The following ENOSF1 variants were observed in gnomAD, a reference collection of about 807,000 sequenced individuals.
ENOSF1 encodes mitochondrial enolase superfamily member 1.
In ENOSF1, 73 loss-of-function variants were observed where a neutral mutation model predicts 68.2. That is an observed-to-expected ratio of 1.07 (90% CI 0.89 to 1.30). The LOEUF is 1.30. Ranked by LOEUF, ENOSF1 falls within the 50% of genes most tolerant of loss-of-function variation. The pLI, the probability that ENOSF1 is intolerant of heterozygous loss-of-function variation, is 0.00. For missense variants in ENOSF1, 589 were observed against 554.5 expected, an observed-to-expected ratio of 1.06 and a Z score of -0.62; for synonymous variants, 223 against 210.4, an observed-to-expected ratio of 1.06 and a Z score of -0.52.
chr18:701,742 G>T (rs2078366012), intron 2 of ENOSF1, among the ~76,000 whole-genome samples: 1 of 138,844 alleles, frequency 7.2e-6, no homozygotes, highest in Admixed American at 7.4e-5. Context: ...GGGTGACAGA[G>T]CGAGACTCCA....
At chr18:683,026 T>C in intron 11 of ENOSF1, 1 of 516,968 alleles carries the variant, frequency 1.9e-6, no homozygotes, top group Admixed American at 3.6e-5. Flanking sequence ...CAGCTTACTT[T>C]ATCTAAAACA....
chr18:710,231 C>A (rs2079362070), intron 1 of ENOSF1, among the ~76,000 whole-genome samples: 1 of 152,210 alleles, frequency 6.6e-6, no homozygotes, highest in Admixed American at 6.5e-5. Flanking sequence ...ACCTCAGCCT[C>A]CTGAGTGGCT....
chr18:688,679 TG>T (rs1386625030), intron 8 of ENOSF1, 71 bp from the exon 9 acceptor site: 1 of 1,374,730 alleles, frequency 7.3e-7, no homozygotes, highest in Non-Finnish European at 1.0e-6. Context: ...CAGTCATTGC[TG>T]ATCTGTTTCA....
At chr18:666,417 T>A (rs976452715), downstream of ENOSF1, among the ~76,000 whole-genome samples, 6 of 152,144 alleles carry the variant, frequency 3.9e-5, no homozygotes, top group African/African-American at 1.2e-4. Flanking sequence ...GGAGAAAGAA[T>A]GAAACATCTC....
chr18:691,241 C>G lies in ENOSF1; in HGVS notation c.459G>C (p.Arg153Ser), dbSNP rs753249529. The G allele has an allele frequency of 1.5e-5, 24 of 1,614,050 alleles. No homozygotes were observed. Among genetic ancestry groups the G allele is most frequent in the Non-Finnish European group, 1.9e-5 (22 of 1,180,026 alleles). The change falls in exon 6 of 16, where the codon AGG (arginine) becomes AGC (serine). Residue 153 changes from arginine to serine, a missense_variant. Arg to Ser is a moderately radical substitution (Grantham distance 110). Coordinates refer to ENST00000647584, the MANE Select transcript of ENOSF1 (RefSeq NM_017512.7). The part of the protein sequence containing the change: ...PRMLVSCIDF[R>S]YITDVLTEED... Reference sequence around the variant, plus strand: ...CCTCAGTCAGGACATCAGTGATGTACCTGAAATCTATGCAGGATACCAGCA... The same window carrying G: ...CCTCAGTCAGGACATCAGTGATGTAGCTGAAATCTATGCAGGATACCAGCA...
Position 688,602 on chromosome 18 carries a change from C to A in ENOSF1, c.625G>T (p.Ala209Ser). Residue 209 changes from alanine to serine, a missense_variant, in exon 9 of 16, where the codon GCC (alanine) becomes TCC (serine). Transcript: ENST00000647584. ...YSDDTLKQLC[A>S]QALKDGWTRF... ...GTCCAGCCATCCTTCAGCGCCTGGG[C>A]ACAGAGCTGTGGGAAAGGAGCACAG... 1 of 1,614,038 alleles carries A rather than the reference C, an allele frequency of 6.2e-7. No individual in the cohort carries two copies. The highest frequency in any genetic ancestry group is 8.5e-7 in the Non-Finnish European group (1 of 1,179,990).
intron 2 of ENOSF1, among the ~76,000 whole-genome samples, chr18:698,721 A>G (rs1390301284): frequency 6.6e-6 from 1 of 152,084 alleles, no homozygotes; most frequent in Non-Finnish European, 1.5e-5. Context: ...CCTGGGCTCA[A>G]GTGATCCTTC....
At chr18:669,396 A>AG (rs2074938209), downstream of ENOSF1, 2 of 404,498 alleles carry the variant, frequency 4.9e-6, no homozygotes, top group African/African-American at 5.1e-5. Context: ...TTTTTGAGAC[A>AG]GAGTTTTGCT....
intron 10 of ENOSF1, among the ~76,000 whole-genome samples, chr18:684,050 G>A (rs1426822355): frequency 3.3e-5 from 5 of 151,442 alleles, no homozygotes; most frequent in African/African-American, 1.2e-4. Context: ...CTGGAGTGCA[G>A]TGGCGCTATC....
At chr18:706,863 G>A (rs1259843071) in intron 1 of ENOSF1, 1 of 147,204 alleles carries the variant, frequency 6.8e-6, no homozygotes, top group East Asian at 2.0e-4. Context: ...CTGTCACCTA[G>A]GCAGGAGTGC....
intron 1 of ENOSF1, chr18:712,209 A>G: frequency 6.9e-7 from 1 of 1,440,074 alleles, no homozygotes; most frequent in Non-Finnish European, 9.4e-7. Context: ...GGATACTTAT[A>G]CAATTGCTCC....
Position 674,350 on chromosome 18 carries a change from T to C in ENOSF1, c.1287A>G (p.Pro429=). The change falls in exon 16 of 16, where the codon CCA becomes CCG. Residue 429 remains proline (P), a synonymous_variant. Coordinates refer to ENST00000647584, the MANE Select transcript of ENOSF1 (RefSeq NM_017512.7). The part of the protein sequence containing the change: ...KEESVKKHQY[P]DGEVWKKLLP... ...GGAGTTTCTTCCAAACTTCACCATC[T>C]GGATACTGGTGTTTCTTTACAGATT... is the stretch of plus-strand genomic sequence containing the variant. The C allele has an allele frequency of 6.2e-7, 1 of 1,612,846 alleles. No individual in the cohort carries two copies. Among genetic ancestry groups the C allele is most frequent in the Non-Finnish European group, 8.5e-7 (1 of 1,179,516 alleles).
At chr18:666,695 T>G (rs1270446523), downstream of ENOSF1, among the ~76,000 whole-genome samples, 1 of 152,206 alleles carries the variant, frequency 6.6e-6, no homozygotes, top group Non-Finnish European at 1.5e-5. Context: ...AAATCTATAT[T>G]TTATGTGCGG....
intron 13 of ENOSF1, 142 bp downstream of exon 13, chr18:677,601 G>A (rs776883069): frequency 8.3e-5 from 109 of 1,311,054 alleles, no homozygotes; most frequent in Middle Eastern, 2.7e-4. Context: ...AAAAATTCCC[G>A]GATTAAAGCT....
At chr18:678,571 A>T in intron 12 of ENOSF1, 125 bp downstream of exon 12, 1 of 930,124 alleles carries the variant, frequency 1.1e-6, no homozygotes, top group Non-Finnish European at 1.7e-6. Context: ...TTCTAAGATG[A>T]TGAAAATTTC....
chr18:688,640 G>C (rs767650693), intron 8 of ENOSF1, 32 bp from the exon 9 acceptor site: 3 of 1,599,638 alleles, frequency 1.9e-6, no homozygotes, highest in Non-Finnish European at 1.7e-6. Context: ...TCACACACTG[G>C]AGAGAGCCCC....
intron 2 of ENOSF1, among the ~76,000 whole-genome samples, chr18:700,147 C>T (rs577278300): frequency 3.3e-5 from 5 of 152,302 alleles, no homozygotes; most frequent in South Asian, 2.1e-4. Flanking sequence ...AAACAGCTCT[C>T]GGATGATTGC....
chr18:706,266 G>A (rs1004984291), intron 2 of ENOSF1, among the ~76,000 whole-genome samples: 4 of 152,018 alleles, frequency 2.6e-5, no homozygotes, highest in African/African-American at 9.7e-5. Flanking sequence ...AAGGAGAGAG[G>A]CCAAATTCTG....
rs1465825133 is a variant in ENOSF1, at chr18:683,259, G to A, written c.863C>T (p.Ala288Val). The change falls in exon 11 of 16, where the codon GCC becomes GTC. Residue 288 changes from alanine (A) to valine (V), a missense_variant. Ala to Val is a moderately conservative substitution (Grantham distance 64, BLOSUM62 0). Transcript: ENST00000647584. Reference protein sequence around the residue: ...PTSPDDILGHATISKALVPLG... With the variant: ...PTSPDDILGHVTISKALVPLG... ...CCGTTTTCCTACCTTGGAAATGGTG[G>A]CGTGCCCCAGAATGTCATCAGGGGA... 1.2e-6 allele frequency: 2 copies of A among 1,614,050 alleles called. No individual in the cohort carries two copies. The highest frequency in any genetic ancestry group is 1.7e-6 in the Non-Finnish European group (2 of 1,179,988).
Sources: gnomAD v4.1 joint callset for allele counts (sites outside exome capture counted in the v4.1 genomes callset) on GRCh38, gnomAD v4.1.1 for gene constraint, MANE v1.5 for transcripts, NCBI Gene and HGNC (gene_info 2026-07-23, HGNC 2026-07-21) for gene names.